Variants in AGBL4 observed in about 807,000 individuals in gnomAD.
AGBL4 encodes cytosolic carboxypeptidase 6.
Under a neutral mutation model 66.4 loss-of-function variants are expected in AGBL4, and 58 were observed. The ratio of observed to expected loss-of-function variants is 0.87; its 90% CI spans 0.71 to 1.09. AGBL4 has a LOEUF of 1.09. Ranked by LOEUF, AGBL4 falls within the 50% of genes least tolerant of loss-of-function variation. The probability of loss-of-function intolerance (pLI) is 0.00; values close to 1 mark genes in which losing one functional copy is unlikely to be tolerated. For synonymous variants in AGBL4, 234 were observed against 222.9 expected, an observed-to-expected ratio of 1.05 and a Z score of -0.44; for missense variants, 579 against 631.0, an observed-to-expected ratio of 0.92 and a Z score of 0.88.
intron 5 of AGBL4, among the ~76,000 whole-genome samples, chr1:48,934,754 C>T (rs868836722): frequency 1.6e-4 from 25 of 152,272 alleles, no homozygotes; most frequent in Middle Eastern, 3.4e-3. Context: ...CCTTTCTATT[C>T]CCACGGCTGC....
intron 3 of AGBL4, among the ~76,000 whole-genome samples, chr1:49,446,468 C>T (rs566584155): frequency 1.3e-5 from 2 of 152,200 alleles, no homozygotes; most frequent in South Asian, 4.1e-4. Context: ...ATTATTAGTG[C>T]TTTCTGTGAT....
intron 4 of AGBL4, among the ~76,000 whole-genome samples, chr1:49,219,703 G>C (rs1649350575): frequency 6.6e-6 from 1 of 152,176 alleles, no homozygotes; most frequent in Admixed American, 6.6e-5. Context: ...TGAAAGAGCA[G>C]TTAATTTCTA....
At chr1:49,845,801 A>C (rs1387302632) in intron 2 of AGBL4, 13 of 1,553,536 alleles carry the variant, frequency 8.4e-6, no homozygotes, top group Non-Finnish European at 1.1e-5. Context: ...CTTAGCCAGC[A>C]GGAGCGGATG....
At chr1:48,882,850 A>C (rs1025118815) in intron 5 of AGBL4, among the ~76,000 whole-genome samples, 1 of 152,156 alleles carries the variant, frequency 6.6e-6, no homozygotes, top group Non-Finnish European at 1.5e-5. Context: ...TTCCACATAT[A>C]AATGAGATCA....
intron 8 of AGBL4, among the ~76,000 whole-genome samples, chr1:48,648,396 A>T (rs942774243): frequency 2.0e-5 from 3 of 152,196 alleles, no homozygotes; most frequent in Admixed American, 1.3e-4. Flanking sequence ...CATTCTTGAT[A>T]GAGCCTCTCC....
chr1:49,288,372 A>G (rs988479755), intron 3 of AGBL4, among the ~76,000 whole-genome samples: 2 of 152,046 alleles, frequency 1.3e-5, no homozygotes, highest in Non-Finnish European at 2.9e-5. Context: ...AATAAAAAAA[A>G]AAAAGAAAGA....
chr1:49,173,308 C>T (rs944850862), intron 4 of AGBL4, among the ~76,000 whole-genome samples: 1 of 152,144 alleles, frequency 6.6e-6, no homozygotes, highest in Admixed American at 6.5e-5. Flanking sequence ...AATAGATACT[C>T]ATGCCATTAT....
rs530036986 is a variant in AGBL4 at position 49,935,596 on chromosome 1, C to A, written c.35-84078G>T. The stretch of plus-strand genomic sequence containing the variant: ...CTGGGAGGCACCCCCCCAGTAGGGG[C>A]AGACTGACACCTCACATGGCCGGGT... On this transcript the variant is annotated intron_variant, in intron 1 of 13. Transcript: ENST00000371839. 4.7e-4 allele frequency among the ~76,000 whole-genome samples: 71 copies of A among 152,304 alleles called. 1 individual carries two copies. Among genetic ancestry groups the A allele is most frequent in the African/African-American group, 1.5e-3 (64 of 41,564 alleles).
intron 5 of AGBL4, among the ~76,000 whole-genome samples, chr1:49,036,404 C>A (rs1384305249): frequency 6.6e-6 from 1 of 151,884 alleles, no homozygotes; most frequent in Non-Finnish European, 1.5e-5. Flanking sequence ...AAAATAACAA[C>A]CTAGATCATG....
chr1:49,714,500 G>A (rs1156399766), intron 2 of AGBL4, among the ~76,000 whole-genome samples: 1 of 150,374 alleles, frequency 6.7e-6, no homozygotes, highest in Non-Finnish European at 1.5e-5. Context: ...TAAGATAATG[G>A]TCTCCAGTTC....
chr1:49,395,410 T>C (rs889536447), intron 3 of AGBL4, among the ~76,000 whole-genome samples: 5 of 151,816 alleles, frequency 3.3e-5, no homozygotes, highest in Non-Finnish European at 5.9e-5. Flanking sequence ...AAAGACTGCA[T>C]GAATGAGATT....
At chr1:49,792,356 T>C (rs941253567) in intron 2 of AGBL4, among the ~76,000 whole-genome samples, 1 of 152,032 alleles carries the variant, frequency 6.6e-6, no homozygotes, top group Non-Finnish European at 1.5e-5. Context: ...TCCACAACTC[T>C]TGGTAACTGG....
At chr1:48,957,972 T>A (rs1657624595) in intron 5 of AGBL4, among the ~76,000 whole-genome samples, 1 of 152,196 alleles carries the variant, frequency 6.6e-6, no homozygotes, top group Non-Finnish European at 1.5e-5. Flanking sequence ...GTCTGACCCC[T>A]AATGACTTCT....
chr1:49,100,518 A>G (rs1645181757), intron 4 of AGBL4, among the ~76,000 whole-genome samples: 2 of 152,196 alleles, frequency 1.3e-5, no homozygotes, highest in South Asian at 4.1e-4. Context: ...CGGACTGGCA[A>G]TGCATAAGAG....
intron 2 of AGBL4, among the ~76,000 whole-genome samples, chr1:49,727,434 T>C (rs928164939): frequency 2.0e-5 from 3 of 152,108 alleles, no homozygotes; most frequent in Admixed American, 6.6e-5. Flanking sequence ...ATAAAAGCAT[T>C]ACATCCAGGG....
intron 2 of AGBL4, among the ~76,000 whole-genome samples, chr1:49,847,188 G>A (rs1646170933): frequency 2.0e-5 from 3 of 152,124 alleles, no homozygotes; most frequent in African/African-American, 7.2e-5. Context: ...AAGTGGTACT[G>A]GTAATATTGG....
chr1:49,083,388 T>C (rs775012704), intron 4 of AGBL4, among the ~76,000 whole-genome samples: 1 of 152,238 alleles, frequency 6.6e-6, no homozygotes, highest in Non-Finnish European at 1.5e-5. Flanking sequence ...GAAATCTAGA[T>C]GGAGGTTCCC....
Position 49,107,692 on chromosome 1 carries a change from TGTGAGA to T in AGBL4, c.378-61898_378-61893del, listed in dbSNP as rs1336983732. Among the ~76,000 whole-genome samples the T allele has an allele frequency of 5.3e-3, 623 of 117,778 alleles. 6 individuals are homozygous for T. Among genetic ancestry groups the T allele is most frequent in the African/African-American group, 0.014 (408 of 29,078 alleles). The allele number at this position is 117,778 out of a possible 152,430, so 77.3% of individuals were successfully genotyped here. A position where few individuals can be genotyped will look rare whatever the true frequency, so the allele number is the denominator to read the frequency against. ...ATGTGTATGTGTGTGTGTGTGTGTG[TGTGAGA>T]GAGAGAGAGAGAGAGAGAGAGAGAG... On this transcript the variant is annotated intron_variant, in intron 4 of 13. Transcript: ENST00000371839.
In AGBL4 at chr1:49,441,799, G is replaced by A. The variant is rs1646037225; in HGVS notation, c.283-195935C>T. Among the ~76,000 whole-genome samples the A allele has an allele frequency of 2.0e-5, 3 of 152,172 alleles. No homozygotes were observed. The South Asian group carries it at 6.2e-4, about 32-fold the overall frequency. On this transcript the variant is annotated intron_variant, in intron 3 of 13. Coordinates refer to ENST00000371839, the MANE Select transcript of AGBL4 (RefSeq NM_032785.4). ...AGAGAAGGATTTTAATAATCAAGTG[G>A]ATAGGATGACCTGTTCTGTGGACAC... is the stretch of plus-strand genomic sequence containing the variant.
Sources: allele counts gnomAD v4.1 joint callset (sites outside exome capture counted in the v4.1 genomes callset), GRCh38; gene constraint gnomAD v4.1.1; transcripts MANE v1.5; gene names NCBI Gene and HGNC (gene_info 2026-07-23, HGNC 2026-07-21).